Variants in BABAM2 observed in about 807,000 individuals in gnomAD.
BABAM2 encodes BRISC and BRCA1-A complex member 2.
Under a neutral mutation model 54.7 loss-of-function variants are expected in BABAM2, and 31 were observed. That is an observed-to-expected ratio of 0.57 (90% CI 0.43 to 0.77). BABAM2 has a LOEUF of 0.77. Ranked by LOEUF, BABAM2 falls within the 30% of genes least tolerant of loss-of-function variation. The pLI, the probability that BABAM2 is intolerant of heterozygous loss-of-function variation, is 0.00. For synonymous variants in BABAM2, 167 were observed against 162.9 expected (o/e 1.03, Z -0.19); for missense variants, 364 against 455.8 (o/e 0.80, Z 1.83).
intron 5 of BABAM2, among the ~76,000 whole-genome samples, chr2:28,045,411 AT>A (rs1221599870): frequency 6.6e-6 from 1 of 152,256 alleles, no homozygotes; most frequent in African/African-American, 2.4e-5. Context: ...GATTAAAAAA[AT>A]AATAATCATA....
At chr2:28,239,011 A>G (rs548253374) in intron 8 of BABAM2, among the ~76,000 whole-genome samples, 1 of 152,296 alleles carries the variant, frequency 6.6e-6, no homozygotes, top group South Asian at 2.1e-4. Context: ...ATGAATTTCC[A>G]TAATTATATT....
At chr2:28,079,290 A>T (rs1664958482) in intron 6 of BABAM2, among the ~76,000 whole-genome samples, 1 of 152,144 alleles carries the variant, frequency 6.6e-6, no homozygotes, top group Admixed American at 6.5e-5. Flanking sequence ...ATGTTTCTTT[A>T]TCTGCATGGT....
intron 6 of BABAM2, among the ~76,000 whole-genome samples, chr2:28,092,801 A>G (rs957013863): frequency 2.1e-5 from 3 of 145,932 alleles, no homozygotes; most frequent in African/African-American, 7.6e-5. Flanking sequence ...TGCCCTGATC[A>G]TTTGTACTTA....
chr2:28,127,425 C>T (rs968314060), intron 6 of BABAM2, among the ~76,000 whole-genome samples: 5 of 151,966 alleles, frequency 3.3e-5, no homozygotes, highest in African/African-American at 7.3e-5. Context: ...AGTAGGCTAT[C>T]GTTGTGGGCT....
chr2:27,990,672 G>T (rs1016442057), intron 4 of BABAM2, among the ~76,000 whole-genome samples: 1 of 151,852 alleles, frequency 6.6e-6, no homozygotes, highest in Admixed American at 6.6e-5. Flanking sequence ...AAAAATTCAT[G>T]AAAATTTTAT....
chr2:27,930,301 C>T lies in BABAM2; in HGVS notation c.205+393C>T, dbSNP rs868777808. ...TGCTAACCCCCCTGTGGAACCGCTG[C>T]GCCACGACTTGTCACTGATTTATCT... On this transcript the variant is annotated intron_variant, in intron 3 of 11. Coordinates refer to ENST00000379624, the MANE Select transcript of BABAM2 (RefSeq NM_199191.3). 1.0e-4 allele frequency: 18 copies of T among 176,538 alleles called. No individual in the cohort carries two copies. In the South Asian group the frequency reaches 1.9e-3, roughly 19 times the overall value. 10.9% of individuals were successfully genotyped at this position (176,538 alleles called of 1,614,324 possible).
intron 7 of BABAM2, among the ~76,000 whole-genome samples, chr2:28,190,357 C>G (rs1283671420): frequency 2.0e-5 from 3 of 152,106 alleles, no homozygotes; most frequent in African/African-American, 7.2e-5. Context: ...CATCTTCTCA[C>G]ATGGCAGGAG....
rs186383754 is a variant in BABAM2, at chr2:28,132,049, A to T, written c.680+2669A>T. Among the ~76,000 whole-genome samples the T allele has an allele frequency of 3.4e-4, 52 of 152,214 alleles. No individual in the cohort carries two copies. In the East Asian group the frequency reaches 9.8e-3, roughly 29 times the overall value. ...CTAAAAATCTAACGTGTGGGAAATG[A>T]TTAGGGAAGGGTATATTTTAAAAGT... On this transcript the variant is annotated intron_variant, in intron 7 of 11. Coordinates refer to ENST00000379624, the MANE Select transcript of BABAM2 (RefSeq NM_199191.3).
At chr2:27,980,087 T>A (rs1430340168) in intron 3 of BABAM2, among the ~76,000 whole-genome samples, 1 of 152,208 alleles carries the variant, frequency 6.6e-6, no homozygotes, top group Non-Finnish European at 1.5e-5. Context: ...CTCCCACTGT[T>A]ATAGCCTGGC....
intron 3 of BABAM2, among the ~76,000 whole-genome samples, chr2:27,952,094 G>A (rs1669772720): frequency 1.3e-5 from 2 of 152,166 alleles, no homozygotes; most frequent in African/African-American, 4.8e-5. Flanking sequence ...AGAATGTTAT[G>A]TCCTCTTGAA....
In BABAM2 at chr2:28,112,180, TCCC is replaced by T. The variant is rs1174486807; in HGVS notation, c.571-17090_571-17088del. On this transcript the variant is annotated intron_variant, in intron 6 of 11. Coordinates refer to ENST00000379624, the MANE Select transcript of BABAM2 (RefSeq NM_199191.3). ...CTCCCTCCCTCCCTCCCTCCCTCCC[TCCC>T]TCCCTCCCTCCCTCCCTTCCTTCCT... Among the ~76,000 whole-genome samples the T allele has an allele frequency of 5.7e-4, 38 of 66,320 alleles. 1 individual carries two copies. Among genetic ancestry groups the T allele is most frequent in the Non-Finnish European group, 9.1e-4 (33 of 36,096 alleles). The allele number at this position is 66,320 out of a possible 152,430, so 43.5% of individuals were successfully genotyped here. A position where few individuals can be genotyped will look rare whatever the true frequency, so the allele number is the denominator to read the frequency against.
chr2:28,336,213 A>G (rs1691452650), intron 11 of BABAM2, among the ~76,000 whole-genome samples: 1 of 152,184 alleles, frequency 6.6e-6, no homozygotes, highest in African/African-American at 2.4e-5. Context: ...GAGCTATGGG[A>G]GTCACTACGG....
chr2:28,230,666 G>T (rs1306068232), intron 7 of BABAM2, among the ~76,000 whole-genome samples: 1 of 150,492 alleles, frequency 6.6e-6, no homozygotes, highest in Non-Finnish European at 1.5e-5. Flanking sequence ...TGAGGCTGCA[G>T]TGAGCCGTGA....
intron 2 of BABAM2, among the ~76,000 whole-genome samples, chr2:27,917,496 A>T (rs559750771): frequency 6.6e-6 from 1 of 152,096 alleles, no homozygotes. Flanking sequence ...CTCATAGATG[A>T]TGCCTTCTCT....
rs185551658 is a variant in BABAM2 at position 27,935,622 on chromosome 2, C to T, written c.205+5714C>T. ...TCGCCAGGGTTTGAGAGGATTGACT[C>T]CAGTTTTGAAAGAAGTTCTACTGTT... is the stretch of plus-strand genomic sequence containing the variant. On this transcript the variant is annotated intron_variant, in intron 3 of 11. Transcript: ENST00000379624. 1.4e-3 allele frequency among the ~76,000 whole-genome samples: 219 copies of T among 152,326 alleles called. 2 individuals carry two copies. The highest frequency in any genetic ancestry group is 1.1e-3 in the Non-Finnish European group (74 of 68,030).
At chr2:28,324,950 G>A (rs1690322911) in intron 11 of BABAM2, among the ~76,000 whole-genome samples, 2 of 152,056 alleles carry the variant, frequency 1.3e-5, no homozygotes, top group East Asian at 3.9e-4. Context: ...CATGATATCT[G>A]GCATGTAGTA....
intron 6 of BABAM2, among the ~76,000 whole-genome samples, chr2:28,060,527 G>A (rs906044344): frequency 6.6e-5 from 10 of 152,136 alleles, no homozygotes; most frequent in Non-Finnish European, 1.3e-4. Context: ...ATAACATTTA[G>A]AGTAGAAAGG....
intron 11 of BABAM2, among the ~76,000 whole-genome samples, chr2:28,299,380 A>T (rs922807578): frequency 1.3e-5 from 2 of 152,214 alleles, no homozygotes; most frequent in Non-Finnish European, 2.9e-5. Flanking sequence ...AGTCTTCATA[A>T]ACCATGACCT....
chr2:28,243,361 G>A (rs1055486090), intron 9 of BABAM2, among the ~76,000 whole-genome samples: 1 of 151,950 alleles, frequency 6.6e-6, no homozygotes, highest in Admixed American at 6.6e-5. Flanking sequence ...GTGAAACCCC[G>A]TCTCTACTAA....
Sources: gnomAD v4.1 joint callset for allele counts (sites outside exome capture counted in the v4.1 genomes callset) on GRCh38, gnomAD v4.1.1 for gene constraint, MANE v1.5 for transcripts, NCBI Gene and HGNC (gene_info 2026-07-23, HGNC 2026-07-21) for gene names.